Variants in AP3B2 observed in about 807,000 individuals in gnomAD.
The protein encoded by AP3B2 is adaptor related protein complex 3 subunit beta 2.
Under a neutral mutation model 126.9 loss-of-function variants are expected in AP3B2, and 50 were observed. That is an observed-to-expected ratio of 0.39 (90% CI 0.31 to 0.50). AP3B2 has a LOEUF of 0.50. Ranked by LOEUF, AP3B2 falls within the 20% of genes least tolerant of loss-of-function variation. AP3B2 has a pLI of 0.79. For missense variants in AP3B2, 1,177 were observed against 1,426.4 expected, an observed-to-expected ratio of 0.83 and a Z score of 2.82; for synonymous variants, 541 against 565.0, an observed-to-expected ratio of 0.96 and a Z score of 0.60.
chr15:82,680,423 G>C lies in AP3B2; in HGVS notation c.1055+49C>G. On this transcript the variant is annotated intron_variant, in intron 8 of 26. Coordinates refer to ENST00000535359, the MANE Select transcript of AP3B2 (RefSeq NM_001278512.2). This position sits in a 1 kb window ranked among gnomAD's most constrained non-coding sequence, Gnocchi z 6.1. ...AGGGGGCGGAGCCGGGCAGCCCGTG[G>C]GGCGGGGCAGGAGGCGAGGGAGGGG... 6.9e-7 allele frequency: 1 copy of C among 1,447,708 alleles called. No individual in the cohort carries two copies. Among genetic ancestry groups the C allele is most frequent in the Non-Finnish European group, 9.1e-7 (1 of 1,101,810 alleles). The allele number at this position is 1,447,708 out of a possible 1,614,324, so 89.7% of individuals were successfully genotyped here. A position where few individuals can be genotyped will look rare whatever the true frequency, so the allele number is the denominator to read the frequency against.
At chr15:82,685,986 C>T (rs1348546915) in intron 4 of AP3B2, 4 of 152,122 alleles carry the variant, frequency 2.6e-5, no homozygotes, top group East Asian at 1.9e-4. Flanking sequence ...GGGTCTACAA[C>T]GTGGTGAAAT....
chr15:82,692,111 T>A (rs1304712388), intron 1 of AP3B2: 124 of 1,494,924 alleles, frequency 8.3e-5, no homozygotes, highest in Non-Finnish European at 2.8e-6. Context: ...CCACCCCGAC[T>A]TCGTAAGTCC....
chr15:82,674,527 G>A (rs895383197), intron 14 of AP3B2, among the ~76,000 whole-genome samples: 1 of 152,182 alleles, frequency 6.6e-6, no homozygotes, highest in African/African-American at 2.4e-5. Context: ...CCCACAGCTC[G>A]CTGTGCCAAC....
At chr15:82,704,991 C>T (rs920563378) in intron 1 of AP3B2, among the ~76,000 whole-genome samples, 12 of 152,176 alleles carry the variant, frequency 7.9e-5, no homozygotes, top group Non-Finnish European at 1.3e-4. Context: ...GTTATCCCCA[C>T]CTGCGCAGTT....
intron 14 of AP3B2, 32 bp from the exon 15 acceptor site, chr15:82,666,965 C>CG (rs2048069691): frequency 1.3e-6 from 2 of 1,591,710 alleles, no homozygotes; most frequent in South Asian, 1.1e-5. Context: ...GGTCAGCTGA[C>CG]GGGGGGATGG....
At chr15:82,663,278 T>G in intron 21 of AP3B2, 45 bp from the exon 22 acceptor site, 1 of 1,489,284 alleles carries the variant, frequency 6.7e-7, no homozygotes, top group Non-Finnish European at 9.3e-7. Context: ...TGGAGGTGGC[T>G]TGGGTTGAGC....
chr15:82,663,267 GT>G, intron 21 of AP3B2, 34 bp from the exon 22 acceptor site: 1 of 1,545,970 alleles, frequency 6.5e-7, no homozygotes, highest in Non-Finnish European at 8.9e-7. Context: ...AGGAGGCAAA[GT>G]GGAGGTGGCT....
intron 1 of AP3B2, chr15:82,691,665 T>G (rs1046317763): frequency 7.9e-7 from 1 of 1,265,326 alleles, no homozygotes. Context: ...ATGCAGATTC[T>G]GAGCACAAAG....
chr15:82,694,196 G>T (rs1567272917), intron 1 of AP3B2, among the ~76,000 whole-genome samples: 1 of 151,250 alleles, frequency 6.6e-6, no homozygotes, highest in Non-Finnish European at 1.5e-5. Flanking sequence ...GTAGAGTTGG[G>T]GTTTCGCCAT....
chr15:82,694,064 C>T (rs1229239088), intron 1 of AP3B2, among the ~76,000 whole-genome samples: 1 of 149,356 alleles, frequency 6.7e-6, no homozygotes, highest in African/African-American at 2.5e-5. Context: ...AGTGCAGTGG[C>T]GCAATCTCGG....
At chr15:82,700,040 G>A (rs1212588603) in intron 1 of AP3B2, among the ~76,000 whole-genome samples, 2 of 152,042 alleles carry the variant, frequency 1.3e-5, no homozygotes, top group Admixed American at 1.3e-4. Context: ...GGAAAGAAGG[G>A]CAGGGACAGG....
chr15:82,699,546 C>A (rs767782990), intron 1 of AP3B2: 14 of 398,916 alleles, frequency 3.5e-5, no homozygotes, highest in Non-Finnish European at 6.2e-5. Context: ...GGAGGTGGGA[C>A]CGGAAGAGGT....
chr15:82,694,998 G>A (rs1436061975), intron 1 of AP3B2, among the ~76,000 whole-genome samples: 1 of 152,048 alleles, frequency 6.6e-6, no homozygotes, highest in East Asian at 1.9e-4. Flanking sequence ...ATAACTTCCT[G>A]AGTGAGAGGA....
chr15:82,693,635 A>G (rs997360796), intron 1 of AP3B2, among the ~76,000 whole-genome samples: 1 of 108,642 alleles, frequency 9.2e-6, no homozygotes, highest in Non-Finnish European at 2.3e-5. Context: ...AATACAAAAG[A>G]AGGAAGGGAA....
At chr15:82,660,684 C>A (rs1401082130) in intron 25 of AP3B2, among the ~76,000 whole-genome samples, 1 of 152,204 alleles carries the variant, frequency 6.6e-6, no homozygotes, top group African/African-American at 2.4e-5. Flanking sequence ...TTCCCCTATT[C>A]TTCACCTCCT....
chr15:82,675,734 C>G (rs1757798091), intron 14 of AP3B2, among the ~76,000 whole-genome samples: 1 of 152,226 alleles, frequency 6.6e-6, no homozygotes, highest in Admixed American at 6.5e-5. Context: ...ATTACAAAAA[C>G]AGGAATAGGC....
rs762937074 is a variant in AP3B2 at position 82,681,542 on chromosome 15, G to A, written c.399C>T (p.Val133=). Residue 133 remains valine, a synonymous_variant, in exon 5 of 27, where the codon GTC becomes GTT. Transcript: ENST00000535359. This position sits in a 1 kb window ranked among gnomAD's most constrained non-coding sequence, Gnocchi z 4.0. ...NQLIRASALR[V]LSSIRVPIIV... is the part of the protein sequence containing the mutation. ...TGATGGGCACACGGATGCTAGAGAG[G>A]ACACGGAGGGCACTGGCACGAATCA... The A allele has an allele frequency of 6.2e-7, 1 of 1,613,900 alleles. No individual in the cohort carries two copies.
At chr15:82,678,061 T>C (rs756795157) in intron 11 of AP3B2, 44 bp downstream of exon 11, 1 of 1,599,562 alleles carries the variant, frequency 6.3e-7, no homozygotes, top group South Asian at 1.1e-5. Flanking sequence ...AAGGATCTGA[T>C]GGGCCCCTCT....
In AP3B2 at chr15:82,662,249, G is replaced by A. The variant is rs1207981657; in HGVS notation, c.2837C>T (p.Ser946Phe). 1 of 1,595,248 alleles carries A rather than the reference G, an allele frequency of 6.3e-7. No individual in the cohort carries two copies. Among genetic ancestry groups the A allele is most frequent in the Non-Finnish European group, 8.5e-7 (1 of 1,170,274 alleles). ...ISIQEFPEIE[S>F]LAPGESATAV... ...AGTGGCAGATTCTCCAGGTGCCAGG[G>A]ACTCTGAAGTGGTATAAGGCAGTGA... Residue 946 changes from serine (S) to phenylalanine (F), a missense_variant, in exon 24 of 27, where the codon TCC (serine) becomes TTC (phenylalanine). Transcript: ENST00000535359.
Sources: allele counts gnomAD v4.1 joint callset (sites outside exome capture counted in the v4.1 genomes callset), GRCh38; gene constraint gnomAD v4.1.1; non-coding constraint Gnocchi (gnomAD v3.1); transcripts MANE v1.5; gene names NCBI Gene and HGNC (gene_info 2026-07-23, HGNC 2026-07-21).